The following TRDN variants were observed in gnomAD, a reference collection of about 807,000 sequenced individuals.
The protein encoded by TRDN is triadin.
In TRDN, 161 loss-of-function variants were observed where a neutral mutation model predicts 149.7. That is an observed-to-expected ratio of 1.08 (90% CI 0.95 to 1.23). TRDN has a LOEUF of 1.23. Ranked by LOEUF, TRDN falls within the 50% of genes most tolerant of loss-of-function variation. The pLI, the probability that TRDN is intolerant of heterozygous loss-of-function variation, is 0.00. For synonymous variants in TRDN, 294 were observed against 250.5 expected (o/e 1.17, Z -1.64); for missense variants, 896 against 823.5 (o/e 1.09, Z -1.08).
At chr6:123,248,411 G>T (rs1334135758) in intron 38 of TRDN, among the ~76,000 whole-genome samples, 1 of 151,926 alleles carries the variant, frequency 6.6e-6, no homozygotes, top group East Asian at 1.9e-4. Context: ...ACAAAAATTA[G>T]CCAGGTGTGG....
chr6:123,429,408 A>C (rs138100351), intron 12 of TRDN, among the ~76,000 whole-genome samples: 18 of 152,340 alleles, frequency 1.2e-4, no homozygotes, highest in African/African-American at 3.6e-4. Flanking sequence ...TGTTTCAAAA[A>C]TACGCTTTTG....
intron 37 of TRDN, 41 bp downstream of exon 37, chr6:123,255,040 T>C (rs760642686): frequency 2.8e-6 from 3 of 1,086,426 alleles, no homozygotes; most frequent in South Asian, 1.5e-5. Context: ...ATAATTCATA[T>C]GTTTTCATAC....
chr6:123,274,602 T>C, intron 27 of TRDN, 39 bp downstream of exon 27: 1 of 1,564,822 alleles, frequency 6.4e-7, no homozygotes. Context: ...ATAAAGATAA[T>C]GTCAACTCTG....
Position 123,542,838 on chromosome 6 carries a change from C to T in TRDN, c.424+4502G>A, listed in dbSNP as rs192773420. Among the ~76,000 whole-genome samples, 76 of 147,692 alleles carry T rather than the reference C, an allele frequency of 5.1e-4. No individual in the cohort carries two copies. In the East Asian group the frequency reaches 9.6e-3, roughly 19 times the overall value. On this transcript the variant is annotated intron_variant, in intron 4 of 40. Coordinates refer to ENST00000334268, the MANE Select transcript of TRDN (RefSeq NM_006073.4). Reference sequence around the variant, plus strand: ...TTTCTCTCCCTCCCTTTTTCTTTCTCTCTGAGTGTGTGCATGTTTGCGTGT... The same window carrying T: ...TTTCTCTCCCTCCCTTTTTCTTTCTTTCTGAGTGTGTGCATGTTTGCGTGT...
At chr6:123,573,073 AG>A (rs1782661494) in intron 1 of TRDN, among the ~76,000 whole-genome samples, 1 of 152,064 alleles carries the variant, frequency 6.6e-6, no homozygotes, top group Non-Finnish European at 1.5e-5. Flanking sequence ...TCTTCCTTTC[AG>A]GTATGTCTAG....
intron 10 of TRDN, chr6:123,445,057 C>T (rs1775227452): frequency 6.6e-6 from 1 of 151,900 alleles, no homozygotes; most frequent in Admixed American, 6.6e-5. Context: ...GGAGGATTCC[C>T]TCTTTTTCTA....
At chr6:123,624,877 A>G (rs527650474) in intron 1 of TRDN, among the ~76,000 whole-genome samples, 2 of 152,270 alleles carry the variant, frequency 1.3e-5, no homozygotes, top group South Asian at 2.1e-4. Flanking sequence ...AGGAAACATA[A>G]TAACTGTTAA....
intron 1 of TRDN, among the ~76,000 whole-genome samples, chr6:123,588,268 T>C (rs1196190157): frequency 6.6e-6 from 1 of 152,204 alleles, no homozygotes; most frequent in African/African-American, 2.4e-5. Context: ...TAGGGTCTGC[T>C]ATCTGTCACA....
intron 32 of TRDN, among the ~76,000 whole-genome samples, chr6:123,266,294 T>C (rs2114601962): frequency 9.2e-6 from 1 of 108,438 alleles, no homozygotes; most frequent in South Asian, 2.5e-4. Context: ...ATGTAATATG[T>C]ATTATATATA....
At chr6:123,511,812 GA>G (rs1276447515) in intron 7 of TRDN, among the ~76,000 whole-genome samples, 1 of 136,270 alleles carries the variant, frequency 7.3e-6, no homozygotes, top group Non-Finnish European at 1.6e-5. Context: ...CTTGGAGGCA[GA>G]ATTCATATTC....
intron 24 of TRDN, among the ~76,000 whole-genome samples, chr6:123,279,726 A>G (rs1777516744): frequency 6.6e-6 from 1 of 152,064 alleles, no homozygotes; most frequent in African/African-American, 2.4e-5. Context: ...TTCCAAGACT[A>G]ATGAACATAT....
At chr6:123,433,240 A>G (rs1382659536) in intron 12 of TRDN, among the ~76,000 whole-genome samples, 2 of 148,880 alleles carry the variant, frequency 1.3e-5, no homozygotes, top group African/African-American at 4.9e-5. Flanking sequence ...TCAGATCTCA[A>G]TTTAAATGCT....
intron 1 of TRDN, among the ~76,000 whole-genome samples, chr6:123,627,821 C>T (rs1785758590): frequency 6.6e-6 from 1 of 152,196 alleles, no homozygotes; most frequent in Admixed American, 6.5e-5. Context: ...TTGCTGCTTC[C>T]ACCTTGCACT....
chr6:123,341,707 A>G (rs533395309), intron 21 of TRDN, among the ~76,000 whole-genome samples: 1 of 152,128 alleles, frequency 6.6e-6, no homozygotes, highest in African/African-American at 2.4e-5. Flanking sequence ...TATATTTAAC[A>G]TATTTAGGGG....
At chr6:123,585,672 G>A (rs956454048) in intron 1 of TRDN, among the ~76,000 whole-genome samples, 11 of 152,278 alleles carry the variant, frequency 7.2e-5, no homozygotes, top group East Asian at 3.9e-4. Context: ...GTGGGGTTCC[G>A]TACAGATGGG....
intron 24 of TRDN, among the ~76,000 whole-genome samples, chr6:123,307,309 G>A (rs1778651185): frequency 6.6e-6 from 1 of 151,950 alleles, no homozygotes; most frequent in Non-Finnish European, 1.5e-5. Flanking sequence ...TCCATCTAGA[G>A]TATGTATTCC....
chr6:123,244,787 T>C (rs1489304667), intron 38 of TRDN, among the ~76,000 whole-genome samples: 1 of 151,898 alleles, frequency 6.6e-6, no homozygotes, highest in Non-Finnish European at 1.5e-5. Flanking sequence ...CCAAGACACA[T>C]AGCCATCAGA....
chr6:123,293,669 C>A (rs1444514948), intron 24 of TRDN, among the ~76,000 whole-genome samples: 2 of 152,090 alleles, frequency 1.3e-5, no homozygotes, highest in East Asian at 3.9e-4. Context: ...AAACATCACA[C>A]CCTGTAGGGC....
intron 23 of TRDN, among the ~76,000 whole-genome samples, chr6:123,328,023 A>G (rs1321624571): frequency 1.3e-5 from 2 of 152,162 alleles, no homozygotes; most frequent in Non-Finnish European, 2.9e-5. Flanking sequence ...TATCTCTCCC[A>G]TAAGCCATAT....
Sources: allele counts gnomAD v4.1 joint callset (sites outside exome capture counted in the v4.1 genomes callset), GRCh38; gene constraint gnomAD v4.1.1; transcripts MANE v1.5; gene names NCBI Gene and HGNC (gene_info 2026-07-23, HGNC 2026-07-21).